SLC22A7: variants seen among roughly 807,000 people sequenced by gnomAD.
SLC22A7 encodes solute carrier family 22 member 7, also known as hOAT2.
In SLC22A7, 48 loss-of-function variants were observed where a neutral mutation model predicts 62.2. The ratio of observed to expected loss-of-function variants is 0.77; its 90% CI spans 0.61 to 0.98. The LOEUF is 0.98. Ranked by LOEUF, SLC22A7 falls within the 50% of genes least tolerant of loss-of-function variation. The probability of loss-of-function intolerance (pLI) is 0.00; values close to 1 mark genes in which losing one functional copy is unlikely to be tolerated. For missense variants in SLC22A7, 581 were observed against 703.8 expected, an observed-to-expected ratio of 0.83 and a Z score of 1.97; for synonymous variants, 276 against 314.8, an observed-to-expected ratio of 0.88 and a Z score of 1.30.
In SLC22A7 at chr6:43,298,570, G is replaced by T. The variant is rs781251888; in HGVS notation, c.212G>T (p.Arg71Leu). The change falls in exon 1 of 11, where the codon CGG becomes CTG. Residue 71 changes from arginine to leucine, a missense_variant. Transcript: ENST00000372585. ...QDVWLEAHLP[R>L]EPDGTLSSCL... ...GTGTGGCTGGAGGCCCATCTTCCCC[G>T]GGAGCCTGATGGCACGCTCAGCTCC... is the stretch of plus-strand genomic sequence containing the variant. 2 of 1,613,612 alleles carry T rather than the reference G, an allele frequency of 1.2e-6. No homozygotes were observed. The highest frequency in any genetic ancestry group is 1.3e-5 in the African/African-American group (1 of 75,048).
Position 43,302,204 on chromosome 6 carries a change from G to A in SLC22A7, c.1066G>A (p.Gly356Arg), listed in dbSNP as rs1205738663. ...TGGCACTGAGACTCCTTTCAGGTTC[G>A]GAGTGAACTTCTCCTATTACGGCCT... ...ISLCCVVVWF[G>R]VNFSYYGLSL... The change falls in exon 8 of 11, where the codon GGA becomes AGA. Residue 356 changes from glycine (G) to arginine (R), a missense_variant. Coordinates refer to ENST00000372585, the MANE Select transcript of SLC22A7 (RefSeq NM_153320.2). This position sits in a 1 kb window ranked among gnomAD's most constrained non-coding sequence, Gnocchi z 5.0. 20 of 1,574,520 alleles carry A rather than the reference G, an allele frequency of 1.3e-5. No individual in the cohort carries two copies. The highest frequency in any genetic ancestry group is 2.3e-5 in the South Asian group (2 of 86,042).
At chr6:43,297,551 C>A (rs1778588092), upstream of SLC22A7, among the ~76,000 whole-genome samples, 1 of 152,180 alleles carries the variant, frequency 6.6e-6, no homozygotes, top group Non-Finnish European at 1.5e-5. Context: ...ATTCCCTACC[C>A]CTCCAAAAGG....
chr6:43,300,172 A>G, intron 5 of SLC22A7, 106 bp downstream of exon 5: 1 of 1,178,612 alleles, frequency 8.5e-7, no homozygotes, highest in Non-Finnish European at 1.2e-6. Flanking sequence ...GAAGGGAAAG[A>G]GAAACGAAGT....
rs376165941 is a variant in SLC22A7 at position 43,299,518 on chromosome 6, A to C, written c.503+25A>C. The C allele has an allele frequency of 3.6e-5, 58 of 1,606,414 alleles. No homozygotes were observed. Among genetic ancestry groups the C allele is most frequent in the Non-Finnish European group, 4.8e-5 (56 of 1,174,942 alleles). Reference sequence around the variant, plus strand: ...GGTGGGGTGAGGCACTGGGCCAATAAGAAACTGGCTGGGGGAACTTTCTCC... The same window carrying C: ...GGTGGGGTGAGGCACTGGGCCAATACGAAACTGGCTGGGGGAACTTTCTCC... On this transcript the variant is annotated intron_variant, in intron 3 of 10. Coordinates refer to ENST00000372585, the MANE Select transcript of SLC22A7 (RefSeq NM_153320.2). This position sits in a 1 kb window ranked among gnomAD's most constrained non-coding sequence, Gnocchi z 4.4.
chr6:43,301,385 C>T (rs374058002), intron 6 of SLC22A7, 127 bp downstream of exon 6: 36 of 1,397,782 alleles, frequency 2.6e-5, no homozygotes, highest in Admixed American at 9.9e-5. Flanking sequence ...CAGAGAGTTC[C>T]GAACTCTTTA....
rs1319218454 is a variant in SLC22A7, at chr6:43,304,113, T to G, written c.1461T>G (p.Asp487Glu). 6.2e-7 allele frequency: 1 copy of G among 1,605,828 alleles called. No homozygotes were observed. Residue 487 changes from aspartate to glutamate, a missense_variant, in exon 10 of 11, where the codon GAT becomes GAG. Transcript: ENST00000372585. ...TGGCCCCACTGGCGGCCTTGCTGGA[T>G]GGAGTGTGGCTGTCACTGCCCAAGC... is the stretch of plus-strand genomic sequence containing the variant. ...GSLAPLAALL[D>E]GVWLSLPKLT...
rs141729432 is a variant in SLC22A7 at position 43,301,656 on chromosome 6, G to A, written c.1025G>A (p.Arg342Gln). 7.6e-5 allele frequency: 122 copies of A among 1,613,922 alleles called. No individual in the cohort carries two copies. In the East Asian group the frequency reaches 1.1e-3, roughly 15 times the overall value. Residue 342 changes from arginine to glutamine, a missense_variant, in exon 7 of 11, where the codon CGG (arginine) becomes CAG (glutamine). Arg to Gln is a conservative substitution (Grantham distance 43). Transcript: ENST00000372585. ...PSYLDLFRTPRLRHISLCCVV... is the reference protein window; with the variant it reads ...PSYLDLFRTPQLRHISLCCVV... ...TACCTAGACCTGTTCCGCACACCACGGCTCCGACACATCTCACTGTGCTGC... is the reference window on the plus strand; with the variant it reads ...TACCTAGACCTGTTCCGCACACCACAGCTCCGACACATCTCACTGTGCTGC...
Position 43,302,174 on chromosome 6 carries a change from C to T in SLC22A7, c.1062-26C>T, listed in dbSNP as rs372956073. ...AAAGAGGGATGGGAAGGAGGGTCCG[C>T]CAAGTGGCACTGAGACTCCTTTCAG... On this transcript the variant is annotated intron_variant, in intron 7 of 10. Transcript: ENST00000372585. This position sits in a 1 kb window ranked among gnomAD's most constrained non-coding sequence, Gnocchi z 5.0. The T allele has an allele frequency of 6.3e-5, 97 of 1,539,274 alleles. No individual in the cohort carries two copies. Among genetic ancestry groups the T allele is most frequent in the Non-Finnish European group, 7.8e-5 (89 of 1,135,752 alleles).
At chr6:43,300,209 GAA>G in intron 5 of SLC22A7, 143 bp downstream of exon 5, 6 of 832,704 alleles carry the variant, frequency 7.2e-6, no homozygotes, top group African/African-American at 1.7e-5. Context: ...GAGACACAGA[GAA>G]AAAGAGACAG....
chr6:43,302,246 G>T lies in SLC22A7; in HGVS notation c.1108G>T (p.Gly370Trp). The T allele has an allele frequency of 6.2e-7, 1 of 1,609,452 alleles. No homozygotes were observed. Among genetic ancestry groups the T allele is most frequent in the Non-Finnish European group, 8.5e-7 (1 of 1,177,066 alleles). Reference protein sequence around the residue: ...SYYGLSLDVSGLGLNVYQTQL... With the variant: ...SYYGLSLDVSWLGLNVYQTQL... ...TTACGGCCTGAGTCTGGATGTGTCG[G>T]GGCTGGGGCTGAACGTGTACCAGAC... The change falls in exon 8 of 11, where the codon GGG (glycine) becomes TGG (tryptophan). Residue 370 changes from glycine to tryptophan, a missense_variant. By Grantham distance (184) the Gly-to-Trp change is radical. Coordinates refer to ENST00000372585, the MANE Select transcript of SLC22A7 (RefSeq NM_153320.2). This position sits in a 1 kb window ranked among gnomAD's most constrained non-coding sequence, Gnocchi z 5.0.
Position 43,302,248 on chromosome 6 carries a change from G to C in SLC22A7, c.1110G>C (p.Gly370=). Residue 370 remains glycine, a synonymous_variant, in exon 8 of 11, where the codon GGG becomes GGC. Transcript: ENST00000372585. This position sits in a 1 kb window ranked among gnomAD's most constrained non-coding sequence, Gnocchi z 5.0. ...ACGGCCTGAGTCTGGATGTGTCGGG[G>C]CTGGGGCTGAACGTGTACCAGACAC... is the stretch of plus-strand genomic sequence containing the variant. ...SYYGLSLDVS[G]LGLNVYQTQL... 1.2e-6 allele frequency: 2 copies of C among 1,610,104 alleles called. No homozygotes were observed. Among genetic ancestry groups the C allele is most frequent in the Non-Finnish European group, 1.7e-6 (2 of 1,177,506 alleles).
At chr6:43,298,851 A>C in intron 1 of SLC22A7, 100 bp downstream of exon 1, 1 of 1,482,146 alleles carries the variant, frequency 6.7e-7, no homozygotes, top group Non-Finnish European at 9.0e-7. Flanking sequence ...TTTACCTCTT[A>C]AAGTCTCAGT....
Position 43,299,352 on chromosome 6 carries a change from G to A in SLC22A7, c.400-38G>A. The A allele has an allele frequency of 6.2e-7, 1 of 1,612,282 alleles. No individual in the cohort carries two copies. On this transcript the variant is annotated intron_variant, in intron 2 of 10. Coordinates refer to ENST00000372585, the MANE Select transcript of SLC22A7 (RefSeq NM_153320.2). The surrounding 1 kb of genome is among the most constrained non-coding windows in gnomAD (Gnocchi z 4.4). ...AGCTGGTGCCTGCTGGAGAGGGGCT[G>A]ATGTTCATAGGAGGTCCCTTTCTGC...
At position 43,299,600 on chromosome 6, in the gene SLC22A7, A is replaced by C. The variant is rs778303565; in HGVS notation, c.504-27A>C. On this transcript the variant is annotated intron_variant, in intron 3 of 10. Coordinates refer to ENST00000372585, the MANE Select transcript of SLC22A7 (RefSeq NM_153320.2). This position sits in a 1 kb window ranked among gnomAD's most constrained non-coding sequence, Gnocchi z 4.4. Reference sequence around the variant, plus strand: ...TGCCTTAGAACCTCCTTCCACAGGGAACTGACCCTGCATGACCCCTTTGCA... The same window carrying C: ...TGCCTTAGAACCTCCTTCCACAGGGCACTGACCCTGCATGACCCCTTTGCA... 11 of 1,613,948 alleles carry C rather than the reference A, an allele frequency of 6.8e-6. No homozygotes were observed. Among genetic ancestry groups the C allele is most frequent in the Non-Finnish European group, 9.3e-6 (11 of 1,179,990 alleles).
At chr6:43,303,499 T>G (rs9472030) in intron 9 of SLC22A7, among the ~76,000 whole-genome samples, 14,481 of 151,182 alleles carry the variant, frequency 0.096, 819 homozygotes, top group Middle Eastern at 0.17. Flanking sequence ...ATAATAATAA[T>G]AAGAAGAAGA....
rs758858612 is a variant in SLC22A7, at chr6:43,301,663, A to C, written c.1032A>C (p.Arg344=). Residue 344 remains arginine, a synonymous_variant, in exon 7 of 11, where the codon CGA becomes CGC. Transcript: ENST00000372585. ...ACCTGTTCCGCACACCACGGCTCCGACACATCTCACTGTGCTGCGTGGTGG... is the reference window on the plus strand; with the variant it reads ...ACCTGTTCCGCACACCACGGCTCCGCCACATCTCACTGTGCTGCGTGGTGG... The part of the protein sequence containing the change: ...YLDLFRTPRL[R]HISLCCVVVW... 8 of 1,613,562 alleles carry C rather than the reference A, an allele frequency of 5.0e-6. No individual in the cohort carries two copies. The highest frequency in any genetic ancestry group is 6.8e-6 in the Non-Finnish European group (8 of 1,179,812).
rs922270184 is a variant in SLC22A7, at chr6:43,298,501, G to A, written c.143G>A (p.Arg48Gln). 4 of 1,613,498 alleles carry A rather than the reference G, an allele frequency of 2.5e-6. No homozygotes were observed. The highest frequency in any genetic ancestry group is 1.3e-5 in the African/African-American group (1 of 75,050). ...PIFLAAVPAH[R>Q]CALPGAPANF... The stretch of plus-strand genomic sequence containing the variant: ...TTCCTGGCTGCCGTGCCTGCCCACC[G>A]ATGTGCCCTGCCGGGTGCCCCTGCC... The change falls in exon 1 of 11, where the codon CGA (arginine) becomes CAA (glutamine). Residue 48 changes from arginine (R) to glutamine (Q), a missense_variant. Physicochemically the swap from Arg to Gln is conservative, Grantham distance 43. Transcript: ENST00000372585.
chr6:43,301,697 G>GGAGGCTGGCTT lies in SLC22A7; in HGVS notation c.1061+7_1061+17dup. 6.2e-7 allele frequency: 1 copy of GGAGGCTGGCTT among 1,605,044 alleles called. No homozygotes were observed. Among genetic ancestry groups the GGAGGCTGGCTT allele is most frequent in the Non-Finnish European group, 8.5e-7 (1 of 1,173,676 alleles). ...ACTGTGCTGCGTGGTGGTGTGGTGA[G>GGAGGCTGGCTT]GAGGCTGGCTTGGGTCTGGCATGGG... On this transcript the variant is annotated splice_donor_region_variant and intron_variant, in intron 7 of 10. Coordinates refer to ENST00000372585, the MANE Select transcript of SLC22A7 (RefSeq NM_153320.2).
In SLC22A7 at chr6:43,300,071, G is replaced by A. The variant is rs750281697; in HGVS notation, c.827+5G>A. The A allele has an allele frequency of 1.7e-5, 27 of 1,613,778 alleles. No homozygotes were observed. Among genetic ancestry groups the A allele is most frequent in the Non-Finnish European group, 1.5e-5 (18 of 1,179,986 alleles). On this transcript the variant is annotated splice_donor_5th_base_variant and intron_variant, in intron 5 of 10. Coordinates refer to ENST00000372585, the MANE Select transcript of SLC22A7 (RefSeq NM_153320.2). ...CCCAGGCATCCTCAGCCTCTGGTGA[G>A]GACTGCAGGCAGCTGGGGAGCGGGA...
Sources: allele counts gnomAD v4.1 joint callset (sites outside exome capture counted in the v4.1 genomes callset), GRCh38; gene constraint gnomAD v4.1.1; non-coding constraint Gnocchi (gnomAD v3.1); transcripts MANE v1.5; gene names NCBI Gene and HGNC (gene_info 2026-07-23, HGNC 2026-07-21).